The following TOMM20 variants were observed in gnomAD, a reference collection of about 807,000 sequenced individuals.
The protein encoded by TOMM20 is mitochondrial import receptor subunit TOM20 homolog.
TOMM20 carries 10 observed loss-of-function variants against 22.1 expected under a neutral mutation model. The ratio of observed to expected loss-of-function variants is 0.45; its 90% CI spans 0.28 to 0.77. The LOEUF is 0.77. TOMM20 is among the 30% of genes least tolerant of loss of function. The pLI is 0.13. For missense variants in TOMM20, 121 were observed against 172.2 expected, an observed-to-expected ratio of 0.70 and a Z score of 1.66; for synonymous variants, 55 against 61.4, an observed-to-expected ratio of 0.90 and a Z score of 0.49.
chr1:235,122,444 G>A, intron 1 of TOMM20, 72 bp from the exon 2 acceptor site: 1 of 1,391,180 alleles, frequency 7.2e-7, no homozygotes, highest in Admixed American at 2.2e-5. Flanking sequence ...TCTAACTGCT[G>A]TGGCAGTCAT....
intron 1 of TOMM20, chr1:235,127,748 G>A: frequency 2.5e-6 from 1 of 406,518 alleles, no homozygotes; most frequent in Non-Finnish European, 5.0e-6. Context: ...GAAAATTCAA[G>A]GTGGATCACA....
rs1660738565 is a variant in TOMM20 at position 235,111,586 on chromosome 1, GA to G, written c.*477del. 1 of 160,628 alleles carries G rather than the reference GA, an allele frequency of 6.2e-6. No homozygotes were observed. The highest frequency in any genetic ancestry group is 1.3e-5 in the Non-Finnish European group (1 of 74,080). The allele number at this position is 160,628 out of a possible 1,614,324, so 10.0% of individuals were successfully genotyped here. ...ATATTTACGTCTCAGAGATTAAATG[GA>G]AAGAAAGGATCAATCAAAACCTTTA... On this transcript the variant is annotated 3_prime_UTR_variant, in exon 5 of 5. Coordinates refer to ENST00000366607, the MANE Select transcript of TOMM20 (RefSeq NM_014765.3).
At chr1:235,127,573 GTTAC>G (rs1661045341) in intron 1 of TOMM20, among the ~76,000 whole-genome samples, 1 of 152,164 alleles carries the variant, frequency 6.6e-6, no homozygotes, top group South Asian at 2.1e-4. Context: ...CGTAACCACT[GTTAC>G]TTAAGTAAAC....
chr1:235,115,489 T>C (rs891293032), intron 3 of TOMM20, among the ~76,000 whole-genome samples: 35 of 152,090 alleles, frequency 2.3e-4, no homozygotes, highest in African/African-American at 7.5e-4. Flanking sequence ...TAGCAGGGTG[T>C]GGTGGTGCAC....
chr1:235,128,785 A>C lies in TOMM20; in HGVS notation c.-70T>G, dbSNP rs765009754. The C allele has an allele frequency of 1.9e-6, 3 of 1,604,248 alleles. No individual in the cohort carries two copies. The highest frequency in any genetic ancestry group is 2.6e-6 in the Non-Finnish European group (3 of 1,176,252). ...AAGGAGCGGTGGGCCACGAACCCTC[A>C]GAGCGGTCGGCGCAGCTCACACCCG... On this transcript the variant is annotated 5_prime_UTR_variant, in exon 1 of 5. Transcript: ENST00000366607.
At chr1:235,112,838 G>A (rs923272831) in intron 4 of TOMM20, among the ~76,000 whole-genome samples, 1 of 152,168 alleles carries the variant, frequency 6.6e-6, no homozygotes, top group African/African-American at 2.4e-5. Flanking sequence ...CTTTCAAATA[G>A]CGTAATATTA....
At chr1:235,115,136 C>A (rs532467137) in intron 3 of TOMM20, among the ~76,000 whole-genome samples, 1 of 152,170 alleles carries the variant, frequency 6.6e-6, no homozygotes, top group South Asian at 2.1e-4. Flanking sequence ...CTCCACCTCC[C>A]AATGTGCTGA....
In TOMM20 at chr1:235,111,168, ATAC is replaced by A. The variant is rs1253146250; in HGVS notation, c.*893_*895del. The A allele has an allele frequency of 2.0e-5, 3 of 152,218 alleles. No homozygotes were observed. The highest frequency in any genetic ancestry group is 2.9e-5 in the Non-Finnish European group (2 of 68,040). The allele number at this position is 152,218 out of a possible 1,614,324, so 9.4% of individuals were successfully genotyped here. On this transcript the variant is annotated 3_prime_UTR_variant, in exon 5 of 5. Transcript: ENST00000366607. The stretch of plus-strand genomic sequence containing the variant: ...CATTAAAAAAAACATCAATTCAGAA[ATAC>A]TAAGTCAGGCAAGCATGCAAAATTC...
At chr1:235,127,081 G>C (rs1435133300) in intron 1 of TOMM20, among the ~76,000 whole-genome samples, 5 of 152,166 alleles carry the variant, frequency 3.3e-5, no homozygotes, top group Non-Finnish European at 7.3e-5. Flanking sequence ...AGGACTTCAG[G>C]GTTTCCAACG....
intron 3 of TOMM20, among the ~76,000 whole-genome samples, chr1:235,118,601 A>G (rs887827035): frequency 1.3e-5 from 2 of 152,208 alleles, no homozygotes; most frequent in African/African-American, 4.8e-5. Flanking sequence ...ATCACAGCTC[A>G]CTAGAGCCTC....
intron 1 of TOMM20, among the ~76,000 whole-genome samples, chr1:235,124,693 GGA>G (rs1660982912): frequency 6.6e-6 from 1 of 152,132 alleles, no homozygotes; most frequent in African/African-American, 2.4e-5. Flanking sequence ...AAGGTGGGGA[GGA>G]GTGTGTGATT....
chr1:235,111,827 T>C lies in TOMM20; in HGVS notation c.*237A>G, dbSNP rs1572125430. ...TTTCAGGAATAAACAAAATCCATGA[T>C]ATTTTAGTAACTCATAGTGTATTTA... On this transcript the variant is annotated 3_prime_UTR_variant, in exon 5 of 5. Coordinates refer to ENST00000366607, the MANE Select transcript of TOMM20 (RefSeq NM_014765.3). 2 of 445,982 alleles carry C rather than the reference T, an allele frequency of 4.5e-6. No homozygotes were observed. The highest frequency in any genetic ancestry group is 4.4e-5 in the East Asian group (1 of 22,806). 27.6% of individuals were successfully genotyped at this position (445,982 alleles called of 1,614,324 possible). A position where few individuals can be genotyped will look rare whatever the true frequency, so the allele number is the denominator to read the frequency against.
chr1:235,117,971 A>G lies in TOMM20; in HGVS notation c.250+1847T>C, dbSNP rs992658053. On this transcript the variant is annotated intron_variant, in intron 3 of 4. Coordinates refer to ENST00000366607, the MANE Select transcript of TOMM20 (RefSeq NM_014765.3). ...TTGAAATGATGATGTAGTGATACCC[A>G]TCACAAGGGATCCGACCCAGGGCTG... Among the ~76,000 whole-genome samples, 4 of 152,342 alleles carry G rather than the reference A, an allele frequency of 2.6e-5. 1 individual carries two copies. The highest frequency in any genetic ancestry group is 2.1e-4 in the South Asian group (1 of 4,828).
At chr1:235,123,578 C>T (rs779496709) in intron 1 of TOMM20, among the ~76,000 whole-genome samples, 6 of 152,218 alleles carry the variant, frequency 3.9e-5, no homozygotes, top group Admixed American at 1.3e-4. Flanking sequence ...GATTTCATCA[C>T]ACCAGCATCA....
intron 3 of TOMM20, among the ~76,000 whole-genome samples, chr1:235,116,951 T>A (rs7530956): frequency 5.0e-4 from 75 of 149,680 alleles, no homozygotes; most frequent in South Asian, 2.1e-3. Context: ...CTGGCTAACA[T>A]GGTGAAACCC....
At chr1:235,119,756 T>A (rs1660899408) in intron 3 of TOMM20, 62 bp downstream of exon 3, 10 of 1,146,866 alleles carry the variant, frequency 8.7e-6, no homozygotes, top group Non-Finnish European at 1.3e-5. Context: ...CCCCTTATCA[T>A]TATAAATTTC....
At chr1:235,115,848 C>T (rs1016054857) in intron 3 of TOMM20, among the ~76,000 whole-genome samples, 1 of 151,996 alleles carries the variant, frequency 6.6e-6, no homozygotes, top group African/African-American at 2.4e-5. Flanking sequence ...AAAGCACACA[C>T]ATGTTTACTG....
At chr1:235,127,691 C>A in intron 1 of TOMM20, 1 of 362,012 alleles carries the variant, frequency 2.8e-6, no homozygotes, top group South Asian at 2.2e-5. Flanking sequence ...AAAAATATTT[C>A]TTATTGCAAC....
chr1:235,128,725 A>G lies in TOMM20; in HGVS notation c.-10T>C, dbSNP rs769097209. 2.5e-6 allele frequency: 4 copies of G among 1,613,714 alleles called. No homozygotes were observed. In the Admixed American group the frequency reaches 5.0e-5, roughly 20 times the overall value. ...TGTTCCGACCCACCATCTTCTCTAC[A>G]ACGCTGAGCGTGGACGGTGGCGGCA... On this transcript the variant is annotated 5_prime_UTR_variant, in exon 1 of 5. Transcript: ENST00000366607.
Sources: gnomAD v4.1 joint callset for allele counts (sites outside exome capture counted in the v4.1 genomes callset) on GRCh38, gnomAD v4.1.1 for gene constraint, MANE v1.5 for transcripts, NCBI Gene and HGNC (gene_info 2026-07-23, HGNC 2026-07-21) for gene names.